The following DGKD variants were observed in gnomAD, a reference collection of about 807,000 sequenced individuals.
DGKD encodes DAG kinase delta.
A neutral mutation model predicts 154.4 loss-of-function variants in DGKD; 68 were observed. That is an observed-to-expected ratio of 0.44 (90% CI 0.36 to 0.54). DGKD has a LOEUF of 0.54. DGKD is among the 20% of genes least tolerant of loss of function. The pLI is 0.00. For synonymous variants in DGKD, 693 were observed against 638.0 expected (o/e 1.09, Z -1.30); for missense variants, 1,343 against 1,593.6 (o/e 0.84, Z 2.68).
At chr2:233,463,813 C>T (rs556385494) in intron 26 of DGKD, 12 of 303,868 alleles carry the variant, frequency 3.9e-5, no homozygotes, top group Non-Finnish European at 7.7e-5. Flanking sequence ...CTGCTGCCTC[C>T]TGCAAGGTTC....
At chr2:233,405,863 A>G (rs747107801) in intron 3 of DGKD, among the ~76,000 whole-genome samples, 7 of 152,266 alleles carry the variant, frequency 4.6e-5, no homozygotes, top group Non-Finnish European at 8.8e-5. Context: ...AGGGCAGTTT[A>G]TATTTAATGC....
rs778038674 is a variant in DGKD, at chr2:233,468,512, CG to C, written c.3518del (p.Gly1173AlafsTer17). On this transcript the variant is annotated frameshift_variant, in exon 29 of 30. Coordinates refer to ENST00000264057, the MANE Select transcript of DGKD (RefSeq NM_152879.3). LOFTEE classifies it high-confidence loss of function. ...GGACATCTTCACACGGCACGACATC[CG>C]GGGCTCTGAGCTCCTGCACCTGGAG... ...YKDIFTRHDI[R>X]GSELLHLERR... is the part of the protein sequence containing the mutation. 2.5e-6 allele frequency: 4 copies of C among 1,613,604 alleles called. No individual in the cohort carries two copies. Among genetic ancestry groups the C allele is most frequent in the African/African-American group, 2.7e-5 (2 of 74,758 alleles).
chr2:233,378,283 G>A (rs2125412724), intron 1 of DGKD, among the ~76,000 whole-genome samples: 1 of 152,048 alleles, frequency 6.6e-6, no homozygotes, highest in East Asian at 1.9e-4. Flanking sequence ...GTGGTGGCGG[G>A]CGCCTGTAGT....
chr2:233,359,410 AT>A (rs933647287), intron 1 of DGKD, among the ~76,000 whole-genome samples: 9 of 152,170 alleles, frequency 5.9e-5, no homozygotes, highest in African/African-American at 2.2e-4. Flanking sequence ...AAATGGGATA[AT>A]TTGTGTAGAA....
intron 3 of DGKD, chr2:233,429,388 G>A (rs991304921): frequency 2.1e-6 from 2 of 931,344 alleles, no homozygotes; most frequent in Non-Finnish European, 2.6e-6. Flanking sequence ...AGTTCGGGAC[G>A]TGTGCTCAGA....
chr2:233,398,309 T>G (rs2061474043), intron 3 of DGKD, among the ~76,000 whole-genome samples: 1 of 148,774 alleles, frequency 6.7e-6, no homozygotes, highest in South Asian at 2.1e-4. Context: ...GCCCGACTAA[T>G]TTTTTTTTTG....
chr2:233,395,100 G>C (rs905070921), intron 3 of DGKD, among the ~76,000 whole-genome samples: 1 of 152,158 alleles, frequency 6.6e-6, no homozygotes, highest in Non-Finnish European at 1.5e-5. Context: ...ATTTTCTGCT[G>C]TCAGGATTCT....
In DGKD at chr2:233,434,837, G is replaced by T. The variant is rs769776662; in HGVS notation, c.522G>T (p.Pro174=). Residue 174 remains proline (P), a synonymous_variant, in exon 5 of 30, where the codon CCG becomes CCT. Coordinates refer to ENST00000264057, the MANE Select transcript of DGKD (RefSeq NM_152879.3). ...HNWYACSHAR[P]TYCNVCREAL... is the part of the protein sequence containing the mutation. ...GGTACGCCTGTTCCCACGCGAGGCC[G>T]ACCTACTGCAATGTGTGCCGTGAGG... The T allele has an allele frequency of 1.4e-5, 22 of 1,614,198 alleles. No individual in the cohort carries two copies. Among genetic ancestry groups the T allele is most frequent in the Non-Finnish European group, 1.8e-5 (21 of 1,180,036 alleles).
Position 233,450,064 on chromosome 2 carries a change from C to T in DGKD, c.1971C>T (p.His657=). Reference sequence around the variant, plus strand: ...CTGAGTCAGAGGAGAAGATGGACCACAGAGTGTGCCCACCACTGTCCCACA... The same window carrying T: ...CTGAGTCAGAGGAGAAGATGGACCATAGAGTGTGCCCACCACTGTCCCACA... ...GLSESEEKMD[H]RVCPPLSHSE... Residue 657 remains histidine (H), a synonymous_variant, in exon 16 of 30, where the codon CAC becomes CAT. Coordinates refer to ENST00000264057, the MANE Select transcript of DGKD (RefSeq NM_152879.3). 1 of 1,614,036 alleles carries T rather than the reference C, an allele frequency of 6.2e-7. No individual in the cohort carries two copies. The highest frequency in any genetic ancestry group is 8.5e-7 in the Non-Finnish European group (1 of 1,179,984).
intron 1 of DGKD, among the ~76,000 whole-genome samples, chr2:233,367,734 G>C (rs1369885506): frequency 2.6e-5 from 4 of 152,084 alleles, no homozygotes; most frequent in Non-Finnish European, 4.4e-5. Context: ...AATATGGAAT[G>C]CTCTGTGCTC....
chr2:233,402,554 C>T (rs1268905367), intron 3 of DGKD, among the ~76,000 whole-genome samples: 1 of 152,222 alleles, frequency 6.6e-6, no homozygotes, highest in African/African-American at 2.4e-5. Context: ...TGTTGACTCA[C>T]CCCTTCCTTG....
At chr2:233,455,520 TC>T (rs1202989219) in intron 19 of DGKD, among the ~76,000 whole-genome samples, 1 of 152,178 alleles carries the variant, frequency 6.6e-6, no homozygotes, top group Non-Finnish European at 1.5e-5. Flanking sequence ...AATGTCTCCC[TC>T]CCCACCCCAC....
chr2:233,355,331 C>T (rs1701488501), intron 1 of DGKD, among the ~76,000 whole-genome samples: 1 of 152,250 alleles, frequency 6.6e-6, no homozygotes. Flanking sequence ...TAAAGACGCA[C>T]GTCCTTTTTG....
intron 1 of DGKD, among the ~76,000 whole-genome samples, chr2:233,373,260 G>T (rs1040098115): frequency 6.6e-6 from 1 of 152,222 alleles, no homozygotes; most frequent in East Asian, 1.9e-4. Flanking sequence ...ATGCGTTTCA[G>T]CAGTGTGTAA....
At chr2:233,418,577 G>A (rs567220327) in intron 3 of DGKD, among the ~76,000 whole-genome samples, 1 of 152,338 alleles carries the variant, frequency 6.6e-6, no homozygotes, top group South Asian at 2.1e-4. Flanking sequence ...TAGGTTACAT[G>A]TGACTTTAAC....
intron 19 of DGKD, among the ~76,000 whole-genome samples, chr2:233,456,036 G>A (rs2063449562): frequency 6.6e-6 from 1 of 152,224 alleles, no homozygotes. Flanking sequence ...TTGAGGAACA[G>A]GGGCATGCAT....
chr2:233,458,456 C>A lies in DGKD; in HGVS notation c.2694+59C>A. The A allele has an allele frequency of 7.2e-7, 1 of 1,381,366 alleles. No homozygotes were observed. Among genetic ancestry groups the A allele is most frequent in the Non-Finnish European group, 1.0e-6 (1 of 992,848 alleles). 85.6% of individuals were successfully genotyped at this position (1,381,366 alleles called of 1,614,324 possible). ...TCCCCAGCCCGGAGTGTGCTAAATT[C>A]TGGGGCAGTGCATGGAGCCTGGGAG... On this transcript the variant is annotated intron_variant, in intron 22 of 29. Transcript: ENST00000264057. The surrounding 1 kb of genome is among the most constrained non-coding windows in gnomAD (Gnocchi z 6.6).
At chr2:233,423,545 C>T (rs549098278) in intron 3 of DGKD, among the ~76,000 whole-genome samples, 265 of 152,184 alleles carry the variant, frequency 1.7e-3, no homozygotes, top group African/African-American at 6.2e-3. Flanking sequence ...CTTGCATATC[C>T]TCTTGTGCTG....
At chr2:233,468,383 C>T in intron 28 of DGKD, 40 bp from the exon 29 acceptor site, 1 of 1,608,600 alleles carries the variant, frequency 6.2e-7, no homozygotes, top group Non-Finnish European at 8.5e-7. Context: ...GCACTGGGCT[C>T]TGGGCACTCA....
Sources: gnomAD v4.1 joint callset for allele counts (sites outside exome capture counted in the v4.1 genomes callset) on GRCh38, gnomAD v4.1.1 for gene constraint, Gnocchi (gnomAD v3.1) non-coding constraint, MANE v1.5 for transcripts, NCBI Gene and HGNC (gene_info 2026-07-23, HGNC 2026-07-21) for gene names.